Variants in POLK observed in about 807,000 individuals in gnomAD.
The protein encoded by POLK is polymerase (DNA directed) kappa.
A neutral mutation model predicts 94.0 loss-of-function variants in POLK; 76 were observed. The ratio of observed to expected loss-of-function variants is 0.81; its 90% CI spans 0.67 to 0.98. The LOEUF is 0.98. Among genes scored for constraint, POLK ranks in the 50% least tolerant of loss-of-function variants. The pLI is 0.00. For synonymous variants in POLK, 349 were observed against 325.4 expected (o/e 1.07, Z -0.78); for missense variants, 954 against 1,010.1 (o/e 0.94, Z 0.75).
chr5:75,511,913 G>A, exon 1 of POLK: 1 of 1,264,656 alleles, frequency 7.9e-7, no homozygotes, highest in Admixed American at 2.4e-5. Flanking sequence ...CTGAGGTAAC[G>A]GGTGAGTATC....
intron 12 of POLK, among the ~76,000 whole-genome samples, chr5:75,594,977 G>A (rs372494796): frequency 6.6e-6 from 1 of 152,134 alleles, no homozygotes; most frequent in Admixed American, 6.5e-5. Context: ...CAGGCTGGGC[G>A]CGGTGGCTCA....
At chr5:75,550,362 G>A (rs375761859) in intron 2 of POLK, among the ~76,000 whole-genome samples, 8 of 151,878 alleles carry the variant, frequency 5.3e-5, no homozygotes, top group Non-Finnish European at 7.4e-5. Flanking sequence ...GTGGATCACC[G>A]GAGGTCAGGA....
At chr5:75,533,408 T>C (rs1178335637) in intron 1 of POLK, among the ~76,000 whole-genome samples, 1 of 152,226 alleles carries the variant, frequency 6.6e-6, no homozygotes, top group East Asian at 1.9e-4. Flanking sequence ...CATGTGGTTG[T>C]ACTTCTCAGT....
At chr5:75,519,835 C>T (rs2112531418) in intron 1 of POLK, among the ~76,000 whole-genome samples, 1 of 152,228 alleles carries the variant, frequency 6.6e-6, no homozygotes, top group South Asian at 2.1e-4. Flanking sequence ...CAGTCATCTA[C>T]TCTGTGTCTT....
chr5:75,572,447 T>C (rs1771643784), intron 4 of POLK, among the ~76,000 whole-genome samples: 1 of 152,134 alleles, frequency 6.6e-6, no homozygotes, highest in African/African-American at 2.4e-5. Context: ...TCGAAAAGTT[T>C]ACTATTATAC....
At chr5:75,586,322 T>C (rs1394625243) in intron 9 of POLK, among the ~76,000 whole-genome samples, 1 of 152,192 alleles carries the variant, frequency 6.6e-6, no homozygotes, top group South Asian at 2.1e-4. Flanking sequence ...ATATTTGTTA[T>C]CTGTCTTTCT....
chr5:75,525,715 T>A (rs1768806778), intron 1 of POLK, among the ~76,000 whole-genome samples: 1 of 151,884 alleles, frequency 6.6e-6, no homozygotes, highest in African/African-American at 2.4e-5. Context: ...AATAATGGAG[T>A]CTAGAAAACA....
chr5:75,594,352 T>G (rs1772953427), intron 12 of POLK, among the ~76,000 whole-genome samples: 2 of 152,242 alleles, frequency 1.3e-5, no homozygotes, highest in Non-Finnish European at 2.9e-5. Flanking sequence ...TCGCCTTCAT[T>G]TTATTTCTTA....
At chr5:75,574,814 AC>A (rs1356515789) in intron 5 of POLK, among the ~76,000 whole-genome samples, 1 of 152,198 alleles carries the variant, frequency 6.6e-6, no homozygotes, top group Non-Finnish European at 1.5e-5. Context: ...GAGCACACTT[AC>A]ATTTGGTTAC....
intron 4 of POLK, among the ~76,000 whole-genome samples, chr5:75,569,870 T>C (rs1771499090): frequency 1.3e-5 from 2 of 152,214 alleles, no homozygotes; most frequent in Non-Finnish European, 2.9e-5. Flanking sequence ...GAACTGCACA[T>C]GTGAGGGATC....
At chr5:75,591,811 T>C (rs1772803058) in intron 11 of POLK, among the ~76,000 whole-genome samples, 1 of 152,232 alleles carries the variant, frequency 6.6e-6, no homozygotes, top group Non-Finnish European at 1.5e-5. Flanking sequence ...GATGATTTTC[T>C]CATGATTAGA....
intron 1 of POLK, among the ~76,000 whole-genome samples, chr5:75,524,585 G>T (rs189629234): frequency 6.6e-6 from 1 of 151,644 alleles, no homozygotes; most frequent in African/African-American, 2.4e-5. Context: ...GTATGGAGAA[G>T]TAAGCTCTTG....
intron 11 of POLK, among the ~76,000 whole-genome samples, chr5:75,593,456 A>G (rs1195143337): frequency 6.6e-6 from 1 of 152,150 alleles, no homozygotes; most frequent in African/African-American, 2.4e-5. Flanking sequence ...ACCATGTTTT[A>G]TAAATAATTG....
intron 1 of POLK, among the ~76,000 whole-genome samples, chr5:75,543,347 A>G (rs1257960679): frequency 6.6e-6 from 1 of 152,132 alleles, no homozygotes; most frequent in Non-Finnish European, 1.5e-5. Flanking sequence ...GCTGTGCCTT[A>G]TATTTTTAAC....
At position 75,579,049 on chromosome 5, in the gene POLK, A is replaced by G. The variant is rs1772061613; in HGVS notation, c.694+2116A>G. ...AGTTACACAGCCAGGCCTCACAAAA[A>G]AGTAGAAAGTAGTTCAGATTGAAAA... On this transcript the variant is annotated intron_variant, in intron 6 of 14. Coordinates refer to ENST00000241436, the Ensembl canonical transcript of POLK. Among the ~76,000 whole-genome samples, 2 of 152,246 alleles carry G rather than the reference A, an allele frequency of 1.3e-5. 1 individual carries two copies. Among genetic ancestry groups the G allele is most frequent in the South Asian group, 4.1e-4 (2 of 4,834 alleles).
chr5:75,533,575 T>A (rs1769290448), intron 1 of POLK, among the ~76,000 whole-genome samples: 1 of 152,202 alleles, frequency 6.6e-6, no homozygotes, highest in Non-Finnish European at 1.5e-5. Context: ...GAGCTCTTTT[T>A]TGGTTTCATA....
At chr5:75,605,118 T>TACACACACACAC (rs3842052), downstream of POLK, among the ~76,000 whole-genome samples, 241 of 146,806 alleles carry the variant, frequency 1.6e-3, no homozygotes, top group Admixed American at 3.3e-3. Flanking sequence ...TGTATACACA[T>TACACACACACAC]ACACACACAC....
At chr5:75,554,866 T>C (rs894275730) in intron 3 of POLK, among the ~76,000 whole-genome samples, 8 of 152,206 alleles carry the variant, frequency 5.3e-5, no homozygotes, top group African/African-American at 1.7e-4. Flanking sequence ...CAGTATTCCA[T>C]GGTGTATATG....
At chr5:75,571,357 T>G (rs1368725451) in intron 4 of POLK, among the ~76,000 whole-genome samples, 3 of 152,200 alleles carry the variant, frequency 2.0e-5, no homozygotes, top group Non-Finnish European at 4.4e-5. Flanking sequence ...AACTTGGCAC[T>G]GAGAGTTGCA....
Sources: allele counts gnomAD v4.1 joint callset (sites outside exome capture counted in the v4.1 genomes callset), GRCh38; gene constraint gnomAD v4.1.1; transcripts MANE v1.5; gene names NCBI Gene and HGNC (gene_info 2026-07-23, HGNC 2026-07-21).